Variants in INPP4B observed in about 807,000 individuals in gnomAD.
The protein encoded by INPP4B is inositol polyphosphate 4-phosphatase type II.
Under a neutral mutation model 122.5 loss-of-function variants are expected in INPP4B, and 55 were observed. The observed-to-expected ratio is 0.45, with a 90% CI of 0.36 to 0.56. INPP4B has a LOEUF of 0.56. Among genes scored for constraint, INPP4B ranks in the 20% least tolerant of loss-of-function variants. The pLI, the probability that INPP4B is intolerant of heterozygous loss-of-function variation, is 0.00. For synonymous variants in INPP4B, 403 were observed against 388.7 expected (o/e 1.04, Z -0.43); for missense variants, 1,000 against 1,097.7 (o/e 0.91, Z 1.26).
At chr4:142,540,663 C>T (rs10024604) in intron 2 of INPP4B, among the ~76,000 whole-genome samples, 15,420 of 152,004 alleles carry the variant, frequency 0.1, 1,263 homozygotes, top group African/African-American at 0.22. Flanking sequence ...ATGGATTGAA[C>T]GTCTTTGTTG....
At chr4:142,039,418 A>G (rs1460617511) in intron 25 of INPP4B, among the ~76,000 whole-genome samples, 1 of 152,136 alleles carries the variant, frequency 6.6e-6, no homozygotes, top group Non-Finnish European at 1.5e-5. Context: ...TGTTTTATAA[A>G]ATTCCGAGAA....
At chr4:142,824,543 A>T (rs747835094) in intron 1 of INPP4B, among the ~76,000 whole-genome samples, 19 of 152,156 alleles carry the variant, frequency 1.2e-4, no homozygotes, top group South Asian at 2.1e-4. Context: ...CTGTAATTCT[A>T]ACTCCAAGAG....
intron 5 of INPP4B, among the ~76,000 whole-genome samples, chr4:142,419,671 G>A (rs1206009202): frequency 6.6e-6 from 1 of 152,064 alleles, no homozygotes; most frequent in Non-Finnish European, 1.5e-5. Context: ...AGCATTTGGG[G>A]CAAAGACTGT....
At chr4:142,582,326 G>A (rs1232608506) in intron 2 of INPP4B, among the ~76,000 whole-genome samples, 1 of 152,072 alleles carries the variant, frequency 6.6e-6, no homozygotes, top group Non-Finnish European at 1.5e-5. Context: ...AAGCTGTCAA[G>A]TGAAGCCACA....
At chr4:142,655,337 T>A (rs1753920782) in intron 2 of INPP4B, among the ~76,000 whole-genome samples, 1 of 152,224 alleles carries the variant, frequency 6.6e-6, no homozygotes, top group Non-Finnish European at 1.5e-5. Flanking sequence ...GGGAATAGAT[T>A]AAAATTTTCC....
At chr4:142,086,952 A>G (rs1480418578) in intron 23 of INPP4B, among the ~76,000 whole-genome samples, 1 of 152,182 alleles carries the variant, frequency 6.6e-6, no homozygotes, top group African/African-American at 2.4e-5. Context: ...AATATATTAA[A>G]TTGAACAACT....
chr4:142,457,436 A>G (rs532582165), intron 3 of INPP4B, among the ~76,000 whole-genome samples: 1 of 152,272 alleles, frequency 6.6e-6, no homozygotes, highest in South Asian at 2.1e-4. Flanking sequence ...ACTCCATAAG[A>G]AAACAAAAAT....
chr4:142,770,076 C>T (rs1303647978), intron 1 of INPP4B, among the ~76,000 whole-genome samples: 1 of 152,036 alleles, frequency 6.6e-6, no homozygotes, highest in Admixed American at 6.6e-5. Flanking sequence ...TTGAGCTCAG[C>T]CTACAAATTC....
chr4:142,684,620 T>A (rs1313179011), intron 2 of INPP4B, among the ~76,000 whole-genome samples: 3 of 152,102 alleles, frequency 2.0e-5, no homozygotes, highest in East Asian at 3.9e-4. Context: ...AATGTAATAA[T>A]TTAAAAATAA....
intron 1 of INPP4B, among the ~76,000 whole-genome samples, chr4:142,811,219 T>C (rs1287149180): frequency 6.6e-6 from 1 of 152,244 alleles, no homozygotes; most frequent in Non-Finnish European, 1.5e-5. Context: ...AAAGTAGTAG[T>C]GGAGTCATAG....
chr4:142,768,415 C>T (rs1050300716), intron 1 of INPP4B, among the ~76,000 whole-genome samples: 2 of 152,166 alleles, frequency 1.3e-5, no homozygotes, highest in African/African-American at 4.8e-5. Flanking sequence ...TAGCAACACA[C>T]TCTGCCCAGA....
chr4:142,072,903 A>G (rs1768380737), intron 25 of INPP4B, among the ~76,000 whole-genome samples: 2 of 152,224 alleles, frequency 1.3e-5, no homozygotes, highest in East Asian at 1.9e-4. Flanking sequence ...TTTTACAGAT[A>G]AAGAACCTAA....
chr4:142,817,694 C>T (rs1395498645), intron 1 of INPP4B, among the ~76,000 whole-genome samples: 3 of 152,160 alleles, frequency 2.0e-5, no homozygotes, highest in Admixed American at 6.6e-5. Context: ...GGCAGCACAT[C>T]GCCCAGGAAG....
intron 1 of INPP4B, among the ~76,000 whole-genome samples, chr4:142,830,472 C>T (rs1781982035): frequency 6.6e-6 from 1 of 151,920 alleles, no homozygotes; most frequent in Non-Finnish European, 1.5e-5. Context: ...CTTGGCTCTG[C>T]CACGGAAGAG....
chr4:142,151,427 T>C (rs1266592401), intron 17 of INPP4B, among the ~76,000 whole-genome samples: 1 of 152,204 alleles, frequency 6.6e-6, no homozygotes, highest in East Asian at 1.9e-4. Flanking sequence ...TATTTCCTTA[T>C]GTAAAAATAC....
intron 2 of INPP4B, among the ~76,000 whole-genome samples, chr4:142,723,985 A>T (rs563268407): frequency 6.6e-6 from 1 of 152,102 alleles, no homozygotes; most frequent in East Asian, 1.9e-4. Flanking sequence ...CTCACTTCCA[A>T]CCTCCACAGC....
At chr4:142,674,497 C>G (rs1480831624) in intron 2 of INPP4B, among the ~76,000 whole-genome samples, 1 of 152,080 alleles carries the variant, frequency 6.6e-6, no homozygotes, top group African/African-American at 2.4e-5. Flanking sequence ...ATATTCAGGA[C>G]TTGAACTCAG....
rs1198582151 is a variant in INPP4B at position 142,027,655 on chromosome 4, G to A, written c.*1127C>T. 1 of 152,160 alleles carries A rather than the reference G, an allele frequency of 6.6e-6. No individual in the cohort carries two copies. Among genetic ancestry groups the A allele is most frequent in the Non-Finnish European group, 1.5e-5 (1 of 68,022 alleles). 9.4% of individuals were successfully genotyped at this position (152,160 alleles called of 1,614,324 possible). On this transcript the variant is annotated 3_prime_UTR_variant, in exon 26 of 26. Transcript: ENST00000262992. ...AATTCAAATTCTGCAACTATCTCCT[G>A]AGTGATTGGGGGTGATTAACCTTAC... is the stretch of plus-strand genomic sequence containing the variant.
At chr4:142,461,637 C>T (rs1003100587) in intron 3 of INPP4B, among the ~76,000 whole-genome samples, 3 of 152,072 alleles carry the variant, frequency 2.0e-5, no homozygotes, top group Admixed American at 2.0e-4. Context: ...TAGTTTAATG[C>T]TCATAGCCAT....
Sources: allele counts gnomAD v4.1 joint callset (sites outside exome capture counted in the v4.1 genomes callset), GRCh38; gene constraint gnomAD v4.1.1; transcripts MANE v1.5; gene names NCBI Gene and HGNC (gene_info 2026-07-23, HGNC 2026-07-21).